The following SPRY4 variants were observed in gnomAD, a reference collection of about 807,000 sequenced individuals.
SPRY4 encodes the protein sprouty RTK signaling antagonist 4, also known as protein sprouty homolog 4.
Under a neutral mutation model 17.0 loss-of-function variants are expected in SPRY4, and 7 were observed. The ratio of observed to expected loss-of-function variants is 0.41; its 90% confidence interval spans 0.23 to 0.77. The LOEUF (loss-of-function observed/expected upper bound fraction) is 0.77, where lower values mean the gene tolerates loss of function less well. Among genes scored for constraint, SPRY4 ranks in the 30% least tolerant of loss-of-function variants. The pLI, the probability that SPRY4 is intolerant of heterozygous loss-of-function variation, is 0.32. For synonymous variants in SPRY4, 183 were observed against 174.1 expected, an observed-to-expected ratio of 1.05 and a Z score of -0.40; for missense variants, 435 against 419.9, an observed-to-expected ratio of 1.04 and a Z score of -0.31.
rs925211127 is a variant in SPRY4, at chr5:142,313,143, G to C, written c.*1066C>G. 15 of 152,590 alleles carry C rather than the reference G, an allele frequency of 9.8e-5. No homozygotes were observed. The highest frequency in any genetic ancestry group is 3.1e-4 in the African/African-American group (13 of 41,438). The allele number at this position is 152,590 out of a possible 1,614,324, so 9.5% of individuals were successfully genotyped here. Reference sequence around the variant, plus strand: ...TCTTTGCTGTTAAAATCCTCTTGTTGATAGGGAGGGAAATTGTGTTCCTTG... The same window carrying C: ...TCTTTGCTGTTAAAATCCTCTTGTTCATAGGGAGGGAAATTGTGTTCCTTG... On this transcript the variant is annotated 3_prime_UTR_variant, in exon 2 of 2. Transcript: ENST00000434127.
At chr5:142,317,269 C>T (rs1596868567) in intron 1 of SPRY4, 1 of 985,454 alleles carries the variant, frequency 1.0e-6, no homozygotes, top group East Asian at 1.1e-4. Context: ...GTTCCAAAGC[C>T]TTGCTTCTAG....
chr5:142,315,086 C>T lies in SPRY4; in HGVS notation c.23G>A (p.Ser8Asn). The T allele has an allele frequency of 1.2e-6, 2 of 1,612,134 alleles. No individual in the cohort carries two copies. The highest frequency in any genetic ancestry group is 1.7e-6 in the Non-Finnish European group (2 of 1,179,892). MEPPIPQ[S>N]APLTPNSVMV... is the part of the protein sequence containing the mutation. ...GACTGAGTTGGGAGTCAAGGGGGCG[C>T]TCTGTGGGATCGGGGGCTCCATGGG... The change falls in exon 2 of 2, where the codon AGC becomes AAC. Residue 8 changes from serine (S) to asparagine (N), a missense_variant. Ser to Asn is a conservative substitution (Grantham distance 46). Transcript: ENST00000434127.
intron 1 of SPRY4, chr5:142,317,273 C>G: frequency 1.0e-6 from 1 of 985,442 alleles, no homozygotes; most frequent in Non-Finnish European, 1.2e-6. Flanking sequence ...CAAAGCCTTG[C>G]TTCTAGAATA....
rs370166563 is a variant in SPRY4, at chr5:142,315,135, A to T, written c.-27T>A. 2.5e-6 allele frequency: 4 copies of T among 1,598,082 alleles called. No individual in the cohort carries two copies. The highest frequency in any genetic ancestry group is 2.6e-6 in the Non-Finnish European group (3 of 1,176,374). ...GGGCTGGAGGTCCTGGACTGTACGG[A>T]GAAACAGGCTTCTAGGGGCCCTGGG... On this transcript the variant is annotated 5_prime_UTR_variant, in exon 2 of 2. Transcript: ENST00000434127.
In SPRY4 at chr5:142,319,714, C is replaced by A. The variant is rs534900792; in HGVS notation, c.-47-4559G>T. The A allele has an allele frequency of 1.9e-6, 3 of 1,607,342 alleles. No individual in the cohort carries two copies. In the South Asian group the frequency reaches 3.3e-5, roughly 18 times the overall value. Reference sequence around the variant, plus strand: ...CTTGGCGGGTCTGGGAGCCCAGAACCAGCCAGTCTGACACTCACTGCATTT... The same window carrying A: ...CTTGGCGGGTCTGGGAGCCCAGAACAAGCCAGTCTGACACTCACTGCATTT... On this transcript the variant is annotated intron_variant, in intron 1 of 1. Coordinates refer to ENST00000434127, the MANE Select transcript of SPRY4 (RefSeq NM_001127496.3).
Position 142,314,459 on chromosome 5 carries a change from C to G in SPRY4, c.650G>C (p.Gly217Ala). 6.2e-7 allele frequency: 1 copy of G among 1,614,118 alleles called. No individual in the cohort carries two copies. Among genetic ancestry groups the G allele is most frequent in the Non-Finnish European group, 8.5e-7 (1 of 1,179,990 alleles). Reference sequence around the variant, plus strand: ...GGAGCAGGGGTGGTCAGCGCAGGAGCCCTCATCGTCCTCATTCGTGCAGTG... The same window carrying G: ...GGAGCAGGGGTGGTCAGCGCAGGAGGCCTCATCGTCCTCATTCGTGCAGTG... ...FYHCTNEDDEGSCADHPCSCS... is the reference protein window; with the variant it reads ...FYHCTNEDDEASCADHPCSCS... The change falls in exon 2 of 2, where the codon GGC (glycine) becomes GCC (alanine). Residue 217 changes from glycine (G) to alanine (A), a missense_variant. Gly to Ala is a moderately conservative substitution (Grantham distance 60, BLOSUM62 0). Coordinates refer to ENST00000434127, the MANE Select transcript of SPRY4 (RefSeq NM_001127496.3). The surrounding 1 kb of genome is among the most constrained non-coding windows in gnomAD (Gnocchi z 4.8).
At position 142,314,605 on chromosome 5, in the gene SPRY4, C is replaced by T; in HGVS notation, c.504G>A (p.Lys168=). 6 of 1,614,242 alleles carry T rather than the reference C, an allele frequency of 3.7e-6. No individual in the cohort carries two copies. The highest frequency in any genetic ancestry group is 3.3e-5 in the South Asian group (3 of 91,086). The part of the protein sequence containing the change: ...LCEACGKCKC[K]ECASPRTLPS... ...GCAACGTCCGGGGGGATGCACACTC[C>T]TTGCATTTACACTTCCCACAGGCCT... is the stretch of plus-strand genomic sequence containing the variant. Residue 168 remains lysine, a synonymous_variant, in exon 2 of 2, where the codon AAG becomes AAA. Coordinates refer to ENST00000434127, the MANE Select transcript of SPRY4 (RefSeq NM_001127496.3). This position sits in a 1 kb window ranked among gnomAD's most constrained non-coding sequence, Gnocchi z 4.8.
chr5:142,317,619 CT>C (rs757791208), intron 1 of SPRY4: 32,826 of 831,592 alleles, frequency 0.039, 13 homozygotes, highest in Middle Eastern at 0.045. Context: ...AGCAGATTCA[CT>C]TTTTTTTTTT....
At position 142,314,576 on chromosome 5, in the gene SPRY4, G is replaced by A. The variant is rs376084808; in HGVS notation, c.533C>T (p.Ser178Phe). ...KECASPRTLP[S>F]CWVCNQECLC... Reference sequence around the variant, plus strand: ...GCACTCCTGGTTGCAGACCCAGCAGGAAGGCAACGTCCGGGGGGATGCACA... The same window carrying A: ...GCACTCCTGGTTGCAGACCCAGCAGAAAGGCAACGTCCGGGGGGATGCACA... Residue 178 changes from serine to phenylalanine, a missense_variant, in exon 2 of 2, where the codon TCC (serine) becomes TTC (phenylalanine). Transcript: ENST00000434127. The surrounding 1 kb of genome is among the most constrained non-coding windows in gnomAD (Gnocchi z 4.8). 6.2e-6 allele frequency: 10 copies of A among 1,614,252 alleles called. No individual in the cohort carries two copies. Among genetic ancestry groups the A allele is most frequent in the East Asian group, 4.5e-5 (2 of 44,890 alleles).
intron 1 of SPRY4, chr5:142,317,171 G>A (rs914087109): frequency 1.7e-4 from 170 of 985,336 alleles, no homozygotes; most frequent in Non-Finnish European, 1.9e-4. Flanking sequence ...AGCATCTATG[G>A]AGAGGAGTTT....
At chr5:142,318,847 C>G (rs977026355) in intron 1 of SPRY4, among the ~76,000 whole-genome samples, 2 of 152,136 alleles carry the variant, frequency 1.3e-5, no homozygotes, top group African/African-American at 4.8e-5. Flanking sequence ...ACTCAACCTT[C>G]TAATAATAAT....
chr5:142,318,086 C>T lies in SPRY4; in HGVS notation c.-47-2931G>A, dbSNP rs185648922. The T allele has an allele frequency of 8.5e-5, 84 of 985,216 alleles. 1 individual carries two copies. The African/African-American group carries it at 1.4e-3, about 16-fold the overall frequency. The allele number at this position is 985,216 out of a possible 1,614,324, so 61.0% of individuals were successfully genotyped here. On this transcript the variant is annotated intron_variant, in intron 1 of 1. Coordinates refer to ENST00000434127, the MANE Select transcript of SPRY4 (RefSeq NM_001127496.3). Reference sequence around the variant, plus strand: ...AGCAGGGACCCTCCAAGAGCCTCTGCTGAATTTATGTGGCTGACAAAGGAA... The same window carrying T: ...AGCAGGGACCCTCCAAGAGCCTCTGTTGAATTTATGTGGCTGACAAAGGAA...
chr5:142,317,233 A>AGGGAAT, intron 1 of SPRY4: 1 of 985,452 alleles, frequency 1.0e-6, no homozygotes, highest in Non-Finnish European at 1.2e-6. Context: ...ATGCTACCTC[A>AGGGAAT]GCCTGCCCAC....
At chr5:142,324,093 A>G (rs1376356868) in intron 1 of SPRY4, 1 of 152,356 alleles carries the variant, frequency 6.6e-6, no homozygotes, top group Non-Finnish European at 1.5e-5. Context: ...GTGCCCGAGG[A>G]TAGGGAGGTA....
chr5:142,316,596 G>A (rs1759161382), intron 1 of SPRY4, among the ~76,000 whole-genome samples: 1 of 152,184 alleles, frequency 6.6e-6, no homozygotes, highest in Middle Eastern at 3.2e-3. Flanking sequence ...GTATTATGGG[G>A]TGGGGTTTTA....
intron 1 of SPRY4, among the ~76,000 whole-genome samples, chr5:142,322,540 G>A (rs974368436): frequency 2.0e-5 from 3 of 151,138 alleles, no homozygotes; most frequent in Non-Finnish European, 2.9e-5. Flanking sequence ...ATGTCCACCT[G>A]TCCACAGCCT....
At chr5:142,319,748 G>A in intron 1 of SPRY4, 3 of 1,612,482 alleles carry the variant, frequency 1.9e-6, no homozygotes, top group Non-Finnish European at 2.5e-6. Flanking sequence ...TTGTACCTGT[G>A]GGGAGGGGGC....
rs1554099270 is a variant in SPRY4 at position 142,312,520 on chromosome 5, T to TACC, written c.*1686_*1688dup. The TACC allele has an allele frequency of 6.6e-6, 1 of 152,198 alleles. No homozygotes were observed. Among genetic ancestry groups the TACC allele is most frequent in the Non-Finnish European group, 1.5e-5 (1 of 68,042 alleles). The allele number at this position is 152,198 out of a possible 1,614,324, so 9.4% of individuals were successfully genotyped here. On this transcript the variant is annotated 3_prime_UTR_variant, in exon 2 of 2. Coordinates refer to ENST00000434127, the MANE Select transcript of SPRY4 (RefSeq NM_001127496.3). ...GCATTAGGTGCCTATCATAGCTACC[T>TACC]ACCTCGCTGCCTCCTTCCCGGAGGC...
intron 1 of SPRY4, among the ~76,000 whole-genome samples, chr5:142,316,376 A>G (rs1759153461): frequency 6.6e-6 from 1 of 152,178 alleles, no homozygotes; most frequent in Non-Finnish European, 1.5e-5. Context: ...GCTGACCTTT[A>G]CATTTGGAAT....
Sources: gnomAD v4.1 joint callset for allele counts (sites outside exome capture counted in the v4.1 genomes callset) on GRCh38, gnomAD v4.1.1 for gene constraint, Gnocchi (gnomAD v3.1) non-coding constraint, MANE v1.5 for transcripts, NCBI Gene and HGNC (gene_info 2026-07-23, HGNC 2026-07-21) for gene names.